SDK2: variants seen among roughly 807,000 people sequenced by gnomAD.
SDK2 encodes protein sidekick-2.
A neutral mutation model predicts 253.9 loss-of-function variants in SDK2; 105 were observed. The observed-to-expected ratio is 0.41, with a 90% confidence interval of 0.35 to 0.49. SDK2 has a LOEUF of 0.49. Among genes scored for constraint, SDK2 ranks in the 20% least tolerant of loss-of-function variants. The pLI is 0.06. For missense variants in SDK2, 2,608 were observed against 3,003.0 expected, an observed-to-expected ratio of 0.87 and a Z score of 3.07; for synonymous variants, 1,249 against 1,234.9, an observed-to-expected ratio of 1.01 and a Z score of -0.24.
chr17:73,342,271 C>A (rs2062444432), intron 44 of SDK2, among the ~76,000 whole-genome samples: 1 of 152,154 alleles, frequency 6.6e-6, no homozygotes, highest in South Asian at 2.1e-4. Flanking sequence ...AGCCGGCTGC[C>A]CAAGACAATG....
In SDK2 at chr17:73,419,230, T is replaced by C. The variant is rs1251284813; in HGVS notation, c.2122A>G (p.Met708Val). The change falls in exon 16 of 45, where the codon ATG becomes GTG. Residue 708 changes from methionine (M) to valine (V), a missense_variant. Met to Val is a conservative substitution (Grantham distance 21). Transcript: ENST00000392650. ...TCAGGAGGCGGCTGCCACTGGATCA[T>C]GATGGACTGGTTGGTTCGACCGCTG... ...IASGRTNQSIMIQWQPPPESH... is the reference protein window; with the variant it reads ...IASGRTNQSIVIQWQPPPESH... 1 of 1,612,800 alleles carries C rather than the reference T, an allele frequency of 6.2e-7. No homozygotes were observed. Among genetic ancestry groups the C allele is most frequent in the East Asian group, 2.2e-5 (1 of 44,886 alleles).
At position 73,644,189 on chromosome 17, in the gene SDK2, A is replaced by G. The variant is rs142322635; in HGVS notation, c.-101T>C. The G allele has an allele frequency of 5.3e-5, 53 of 1,004,114 alleles. No homozygotes were observed. The East Asian group carries it at 1.3e-3, about 25-fold the overall frequency. 62.2% of individuals were successfully genotyped at this position (1,004,114 alleles called of 1,614,324 possible). On this transcript the variant is annotated 5_prime_UTR_variant, in exon 1 of 45. Transcript: ENST00000392650. This position sits in a 1 kb window ranked among gnomAD's most constrained non-coding sequence, Gnocchi z 6.3. Reference sequence around the variant, plus strand: ...ACCCCGTGGCTTAGTCCCAGGAAACAGTCAGTCTACGCGGCTCCGTGCCCC... The same window carrying G: ...ACCCCGTGGCTTAGTCCCAGGAAACGGTCAGTCTACGCGGCTCCGTGCCCC...
rs187127466 is a variant in SDK2 at position 73,468,377 on chromosome 17, T to A, written c.331+3735A>T. ...AACGAGCCTAGGAGGTCGATATTATTAATACATTTTAGGGATGAAGAACCT... is the reference window on the plus strand; with the variant it reads ...AACGAGCCTAGGAGGTCGATATTATAAATACATTTTAGGGATGAAGAACCT... On this transcript the variant is annotated intron_variant, in intron 3 of 44. Transcript: ENST00000392650. Among the ~76,000 whole-genome samples, 3 of 152,276 alleles carry A rather than the reference T, an allele frequency of 2.0e-5. No homozygotes were observed. In the East Asian group the frequency reaches 5.8e-4, roughly 29 times the overall value.
chr17:73,525,367 G>C (rs2064117211), intron 1 of SDK2, among the ~76,000 whole-genome samples: 1 of 152,162 alleles, frequency 6.6e-6, no homozygotes, highest in South Asian at 2.1e-4. Flanking sequence ...TTTGGCAATG[G>C]ACAAAGCCAG....
chr17:73,362,778 G>A (rs1568366132), intron 38 of SDK2, among the ~76,000 whole-genome samples: 1 of 152,202 alleles, frequency 6.6e-6, no homozygotes, highest in Non-Finnish European at 1.5e-5. Context: ...CTTTCAGGAG[G>A]TGGGGGTTTG....
In SDK2 at chr17:73,369,388, G is replaced by A. The variant is rs1347540188; in HGVS notation, c.4981-795C>T. Among the ~76,000 whole-genome samples the A allele has an allele frequency of 9.8e-5, 15 of 152,358 alleles. 1 individual carries two copies. In the East Asian group the frequency reaches 1.5e-3, roughly 16 times the overall value. ...CTGCTGGTTAACAGGAACAAGGCCC[G>A]CTGCAGAGGAAGGCCTCGGCCAAGA... On this transcript the variant is annotated intron_variant, in intron 36 of 44. Coordinates refer to ENST00000392650, the MANE Select transcript of SDK2 (RefSeq NM_001144952.2).
rs537787716 is a variant in SDK2, at chr17:73,538,441, A to G, written c.65-30844T>C. Among the ~76,000 whole-genome samples, 8 of 152,266 alleles carry G rather than the reference A, an allele frequency of 5.3e-5. No homozygotes were observed. In the East Asian group the frequency reaches 1.5e-3, roughly 29 times the overall value. ...TAGGGTCTTCTGCCAGAAACCCACC[A>G]TGTGATGCTGGGGCCTCGGAGCCCT... On this transcript the variant is annotated intron_variant, in intron 1 of 44. Transcript: ENST00000392650.
rs746350444 is a variant in SDK2 at position 73,456,061 on chromosome 17, C to A, written c.332-8G>T. The A allele has an allele frequency of 4.7e-6, 7 of 1,478,306 alleles. No individual in the cohort carries two copies. Among genetic ancestry groups the A allele is most frequent in the Non-Finnish European group, 3.6e-6 (4 of 1,106,422 alleles). The allele number at this position is 1,478,306 out of a possible 1,614,324, so 91.6% of individuals were successfully genotyped here. On this transcript the variant is annotated splice_polypyrimidine_tract_variant and splice_region_variant and intron_variant, in intron 3 of 44. Transcript: ENST00000392650. Reference sequence around the variant, plus strand: ...CCTCAAAGCTCCCCATGTCTGCAGCCGGGACAACGGCAGTAGGATCAGGGG... The same window carrying A: ...CCTCAAAGCTCCCCATGTCTGCAGCAGGGACAACGGCAGTAGGATCAGGGG...
At chr17:73,502,505 G>A (rs1170175443) in intron 2 of SDK2, among the ~76,000 whole-genome samples, 1 of 152,212 alleles carries the variant, frequency 6.6e-6, no homozygotes, top group Non-Finnish European at 1.5e-5. Flanking sequence ...CCATGCTCCA[G>A]CTTGAAGGAG....
rs377608354 is a variant in SDK2, at chr17:73,399,271, G to A, written c.2990C>T (p.Thr997Ile). 2.5e-6 allele frequency: 4 copies of A among 1,613,620 alleles called. No homozygotes were observed. The African/African-American group carries it at 5.3e-5, about 22-fold the overall frequency. The change falls in exon 22 of 45, where the codon ACC (threonine) becomes ATC (isoleucine). Residue 997 changes from threonine (T) to isoleucine (I), a missense_variant. Thr to Ile is a moderately conservative substitution (Grantham distance 89, BLOSUM62 -1). This residue lies in a region of SDK2 where 1,505 missense variants were observed against 1,859.1 expected (regional missense o/e 0.81). Coordinates refer to ENST00000392650, the MANE Select transcript of SDK2 (RefSeq NM_001144952.2). ...GCCGATGTTGGAAATGCCCAGGTTGGTGGGGGGCCCTGGGAGTTCTGGAAA... is the reference window on the plus strand; with the variant it reads ...GCCGATGTTGGAAATGCCCAGGTTGATGGGGGGCCCTGGGAGTTCTGGAAA... ...GVPPELPGPP[T>I]NLGISNIGPR...
chr17:73,575,740 G>A (rs1177958570), intron 1 of SDK2, among the ~76,000 whole-genome samples: 1 of 151,190 alleles, frequency 6.6e-6, no homozygotes, highest in Middle Eastern at 3.4e-3. Context: ...GACAATCTTT[G>A]TGCTCAAGGA....
intron 12 of SDK2, among the ~76,000 whole-genome samples, chr17:73,428,101 A>G (rs536865088): frequency 8.2e-4 from 125 of 152,350 alleles, no homozygotes; most frequent in African/African-American, 2.5e-3. Flanking sequence ...GCTGTACATC[A>G]TATGTCATTA....
intron 36 of SDK2, among the ~76,000 whole-genome samples, chr17:73,372,548 T>C (rs1256345188): frequency 1.3e-5 from 2 of 152,182 alleles, no homozygotes; most frequent in African/African-American, 4.8e-5. Flanking sequence ...TTCATTTCTT[T>C]TTTCAGCTTT....
intron 10 of SDK2, among the ~76,000 whole-genome samples, chr17:73,432,136 C>A (rs2063330931): frequency 6.6e-6 from 1 of 151,664 alleles, no homozygotes; most frequent in African/African-American, 2.4e-5. Flanking sequence ...ACGGGAGCTG[C>A]CTGGAGTGGG....
intron 33 of SDK2, among the ~76,000 whole-genome samples, chr17:73,382,837 A>G (rs1454343872): frequency 2.8e-5 from 4 of 141,000 alleles, no homozygotes; most frequent in African/African-American, 1.0e-4. Flanking sequence ...CCCCGTCTCT[A>G]CTAACAACAA....
chr17:73,380,838 C>A, intron 34 of SDK2, 56 bp downstream of exon 34: 2 of 1,481,342 alleles, frequency 1.4e-6, no homozygotes, highest in Non-Finnish European at 1.8e-6. Flanking sequence ...AGGCCCCACT[C>A]CCAATCCCCT....
At chr17:73,349,352 G>A (rs907039202) in intron 43 of SDK2, among the ~76,000 whole-genome samples, 3 of 152,244 alleles carry the variant, frequency 2.0e-5, no homozygotes, top group Non-Finnish European at 4.4e-5. Flanking sequence ...CAGAGACAGA[G>A]GGAAGCTTTG....
chr17:73,519,710 G>A (rs7217430), intron 1 of SDK2: 21,008 of 152,090 alleles, frequency 0.14, 2,529 homozygotes, highest in African/African-American at 0.32. Context: ...ACCCATAGCC[G>A]CCTGCCTCCA....
rs906339426 is a variant in SDK2 at position 73,437,677 on chromosome 17, G to A, written c.1000+62C>T. On this transcript the variant is annotated intron_variant, in intron 8 of 44. Coordinates refer to ENST00000392650, the MANE Select transcript of SDK2 (RefSeq NM_001144952.2). Reference sequence around the variant, plus strand: ...GCTGGAATTTAGAAATGTCCACAATGAGGATGGGAGAGGCTGAAGATCTGG... The same window carrying A: ...GCTGGAATTTAGAAATGTCCACAATAAGGATGGGAGAGGCTGAAGATCTGG... 9 of 1,324,214 alleles carry A rather than the reference G, an allele frequency of 6.8e-6. No individual in the cohort carries two copies. The African/African-American group carries it at 8.7e-5, about 13-fold the overall frequency. 82.0% of individuals were successfully genotyped at this position (1,324,214 alleles called of 1,614,324 possible).
Sources: allele counts gnomAD v4.1 joint callset (sites outside exome capture counted in the v4.1 genomes callset), GRCh38; gene constraint gnomAD v4.1.1; regional missense constraint gnomAD v4.1.1; non-coding constraint Gnocchi (gnomAD v3.1); transcripts MANE v1.5; gene names NCBI Gene and HGNC (gene_info 2026-07-23, HGNC 2026-07-21).